Variants in XKR9 observed in about 807,000 individuals in gnomAD.
XKR9 encodes XK-related protein 9.
XKR9 carries 32 observed loss-of-function variants against 32.0 expected under a neutral mutation model. The ratio of observed to expected loss-of-function variants is 1.00; its 90% CI spans 0.76 to 1.34. The LOEUF (loss-of-function observed/expected upper bound fraction) is 1.34. Among genes scored for constraint, XKR9 ranks in the 40% most tolerant of loss-of-function variants. The pLI is 0.00. For synonymous variants in XKR9, 168 were observed against 143.4 expected, an observed-to-expected ratio of 1.17 and a Z score of -1.22; for missense variants, 546 against 429.7, an observed-to-expected ratio of 1.27 and a Z score of -2.39.
the XKR9 span, among the ~76,000 whole-genome samples, chr8:70,927,719 C>T: frequency 6.6e-6 from 1 of 152,134 alleles, no homozygotes; most frequent in African/African-American, 2.4e-5. Flanking sequence ...CTGTTGATAC[C>T]ACCACACTGA....
At chr8:70,897,136 G>A in the XKR9 span, among the ~76,000 whole-genome samples, 2 of 152,102 alleles carry the variant, frequency 1.3e-5, no homozygotes, top group African/African-American at 4.8e-5. Flanking sequence ...AACATGTGAT[G>A]TTTGTCTTTC....
chr8:70,892,558 C>A, the XKR9 span, among the ~76,000 whole-genome samples: 4 of 152,126 alleles, frequency 2.6e-5, no homozygotes, highest in Non-Finnish European at 5.9e-5. Context: ...TTATGCTTGT[C>A]TGCAAATGAC....
the XKR9 span, among the ~76,000 whole-genome samples, chr8:70,896,116 G>C: frequency 6.6e-6 from 1 of 152,116 alleles, no homozygotes; most frequent in Non-Finnish European, 1.5e-5. Flanking sequence ...ATTTACTCAT[G>C]TTTTGTTGAG....
chr8:70,981,065 T>C, the XKR9 span, among the ~76,000 whole-genome samples: 1 of 152,226 alleles, frequency 6.6e-6, no homozygotes, highest in African/African-American at 2.4e-5. Context: ...CTGACAGCTC[T>C]TAAGATTTTT....
At chr8:70,792,973 T>C (rs1283540381), downstream of XKR9, among the ~76,000 whole-genome samples, 2 of 152,076 alleles carry the variant, frequency 1.3e-5, no homozygotes, top group Non-Finnish European at 2.9e-5. Context: ...GGCCACCTAA[T>C]TTTTAGAATT....
intron 2 of XKR9, chr8:70,780,985 T>C (rs143944574): frequency 2.0e-4 from 30 of 152,204 alleles, no homozygotes; most frequent in Middle Eastern, 3.4e-3. Flanking sequence ...TAAGTTCTGA[T>C]AACCCACCAT....
chr8:70,683,435 ACT>A, intron 3 of XKR9: 6 of 413,602 alleles, frequency 1.5e-5, no homozygotes, highest in South Asian at 1.1e-4. Flanking sequence ...ATATATTTAT[ACT>A]CTCTTTATTT....
intron 2 of XKR9, among the ~76,000 whole-genome samples, chr8:70,787,139 A>G (rs1253877452): frequency 6.6e-6 from 1 of 152,158 alleles, no homozygotes; most frequent in African/African-American, 2.4e-5. Flanking sequence ...CACAGATATG[A>G]TTAGCAAAAT....
At chr8:70,936,019 A>G in the XKR9 span, among the ~76,000 whole-genome samples, 2 of 152,004 alleles carry the variant, frequency 1.3e-5, no homozygotes, top group African/African-American at 4.8e-5. Flanking sequence ...TTCCTTCTTT[A>G]GAATAAGTTA....
intron 3 of XKR9, among the ~76,000 whole-genome samples, chr8:70,688,239 G>T (rs35564237): frequency 0.4 from 61,213 of 151,902 alleles, 13,867 homozygotes; most frequent in Non-Finnish European, 0.52. Flanking sequence ...CTGGGAGAAA[G>T]GTGAAATGTG....
At chr8:70,904,528 T>C in the XKR9 span, among the ~76,000 whole-genome samples, 3 of 152,326 alleles carry the variant, frequency 2.0e-5, no homozygotes, top group East Asian at 5.8e-4. Context: ...GCACGTGAGA[T>C]GGGTCTCCTG....
chr8:70,967,866 C>T, the XKR9 span, among the ~76,000 whole-genome samples: 1 of 152,168 alleles, frequency 6.6e-6, no homozygotes, highest in South Asian at 2.1e-4. Flanking sequence ...CTGCCCTTAA[C>T]ATTTTTTCTT....
chr8:70,828,075 C>T, the XKR9 span, among the ~76,000 whole-genome samples: 1 of 152,272 alleles, frequency 6.6e-6, no homozygotes, highest in East Asian at 1.9e-4. Context: ...ATGTAAGACA[C>T]ATTAAAATAG....
chr8:70,732,041 A>G (rs563937930), intron 4 of XKR9, among the ~76,000 whole-genome samples: 2 of 152,172 alleles, frequency 1.3e-5, no homozygotes, highest in Non-Finnish European at 2.9e-5. Context: ...AGGGAGAGCC[A>G]ACCACGACTC....
chr8:71,057,545 T>A, the XKR9 span, among the ~76,000 whole-genome samples: 7 of 152,182 alleles, frequency 4.6e-5, no homozygotes, highest in Admixed American at 4.6e-4. Context: ...TACATGTTGA[T>A]TACATACTTA....
chr8:70,925,169 A>G, the XKR9 span, among the ~76,000 whole-genome samples: 1 of 152,280 alleles, frequency 6.6e-6, no homozygotes, highest in Non-Finnish European at 1.5e-5. Flanking sequence ...TGTACTTTTT[A>G]TAGTACAAGG....
At chr8:70,721,316 A>T (rs1806274262) in intron 4 of XKR9, among the ~76,000 whole-genome samples, 1 of 151,268 alleles carries the variant, frequency 6.6e-6, no homozygotes, top group Non-Finnish European at 1.5e-5. Flanking sequence ...TTCTGCTCTG[A>T]GCTTAGTTAT....
downstream of XKR9, among the ~76,000 whole-genome samples, chr8:70,738,824 G>C (rs1405358475): frequency 8.5e-5 from 13 of 152,054 alleles, no homozygotes; most frequent in East Asian, 2.5e-3. Context: ...ATTGCACTGT[G>C]GTCTGAGAGA....
intron 3 of XKR9, among the ~76,000 whole-genome samples, chr8:70,702,263 C>T (rs1048810283): frequency 6.6e-6 from 1 of 152,094 alleles, no homozygotes; most frequent in African/African-American, 2.4e-5. Flanking sequence ...TTATTGATTT[C>T]TCACTTAAAT....
Sources: allele counts gnomAD v4.1 joint callset (sites outside exome capture counted in the v4.1 genomes callset), GRCh38; gene constraint gnomAD v4.1.1; transcripts MANE v1.5; gene names NCBI Gene and HGNC (gene_info 2026-07-23, HGNC 2026-07-21).